The following EPB41L3 variants were observed in gnomAD, a reference collection of about 807,000 sequenced individuals.
EPB41L3 encodes band 4.1-like protein 3.
In EPB41L3, 57 loss-of-function variants were observed where a neutral mutation model predicts 127.1. That is an observed-to-expected ratio of 0.45 (90% CI 0.36 to 0.56). EPB41L3 has a LOEUF of 0.56. Ranked by LOEUF, EPB41L3 falls within the 20% of genes least tolerant of loss-of-function variation. EPB41L3 has a pLI of 0.00. For synonymous variants in EPB41L3, 572 were observed against 549.5 expected (o/e 1.04, Z -0.57); for missense variants, 1,273 against 1,372.2 (o/e 0.93, Z 1.14).
At chr18:5,562,728 C>G (rs961505307) in intron 3 of EPB41L3, among the ~76,000 whole-genome samples, 3 of 152,218 alleles carry the variant, frequency 2.0e-5, no homozygotes, top group African/African-American at 7.2e-5. Flanking sequence ...GTGACAGCCA[C>G]TAGCTCAGAC....
At chr18:5,527,599 G>A (rs1055692520) in intron 1 of EPB41L3, among the ~76,000 whole-genome samples, 3 of 152,148 alleles carry the variant, frequency 2.0e-5, no homozygotes, top group Non-Finnish European at 2.9e-5. Flanking sequence ...GGAGAAACAC[G>A]AAAACATAAA....
chr18:5,472,624 C>G (rs1321785789), intron 3 of EPB41L3, among the ~76,000 whole-genome samples: 1 of 152,130 alleles, frequency 6.6e-6, no homozygotes, highest in Non-Finnish European at 1.5e-5. Flanking sequence ...TCTTGTAATT[C>G]AAGAAAAGCA....
chr18:5,486,788 C>G (rs558142993), intron 2 of EPB41L3, among the ~76,000 whole-genome samples: 17 of 152,078 alleles, frequency 1.1e-4, no homozygotes, highest in Admixed American at 1.0e-3. Flanking sequence ...ATCATCTCAC[C>G]CCAGTTAAAA....
chr18:5,413,707 C>T lies in EPB41L3; in HGVS notation c.2067+2111G>A, dbSNP rs74554387. ...CAGCTCTTAACACTTCAAGAGACAA[C>T]ACTGAACAGATGGCTAGTTACAGAG... On this transcript the variant is annotated intron_variant, in intron 13 of 22. Transcript: ENST00000341928. Among the ~76,000 whole-genome samples, 1,227 of 152,282 alleles carry T rather than the reference C, an allele frequency of 8.1e-3. 16 individuals carry two copies. Among genetic ancestry groups the T allele is most frequent in the African/African-American group, 0.028 (1,158 of 41,554 alleles).
At chr18:5,542,065 C>T (rs2093745582) in intron 1 of EPB41L3, among the ~76,000 whole-genome samples, 1 of 152,178 alleles carries the variant, frequency 6.6e-6, no homozygotes, top group South Asian at 2.1e-4. Flanking sequence ...CACGCTTCTC[C>T]AATTTAGTAT....
At chr18:5,534,061 T>G (rs1719974) in intron 1 of EPB41L3, among the ~76,000 whole-genome samples, 41,218 of 151,680 alleles carry the variant, frequency 0.27, 6,806 homozygotes, top group African/African-American at 0.47. Context: ...TCCTTGGGAG[T>G]CTGAGGCAGG....
chr18:5,568,432 A>AAC (rs1555804543), intron 3 of EPB41L3, among the ~76,000 whole-genome samples: 1 of 150,606 alleles, frequency 6.6e-6, no homozygotes, highest in African/African-American at 2.4e-5. Context: ...GATAGTAAAA[A>AAC]AAAAAAAAAA....
At chr18:5,520,357 T>C (rs2092935366) in intron 1 of EPB41L3, among the ~76,000 whole-genome samples, 2 of 152,108 alleles carry the variant, frequency 1.3e-5, no homozygotes, top group African/African-American at 4.8e-5. Context: ...AGTATAATAA[T>C]ATATTTTCCA....
intron 16 of EPB41L3, chr18:5,400,470 T>C (rs2074320427): frequency 2.2e-6 from 1 of 455,458 alleles, no homozygotes; most frequent in Non-Finnish European, 4.4e-6. Context: ...TGTTGCTAGA[T>C]TAAATGAAAT....
rs147008492 is a variant in EPB41L3, at chr18:5,613,901, A to G, written c.-395+450T>C. ...TTATTTTTAAGTGAATTAAAAATAA[A>G]TATCAAAAACGTTCTCAGTTGTAAT... On this transcript the variant is annotated intron_variant, in intron 2 of 21. Coordinates refer to the EPB41L3 transcript ENST00000545076. Among the ~76,000 whole-genome samples the G allele has an allele frequency of 8.9e-3, 1,362 of 152,352 alleles. 25 individuals are homozygous for G. The highest frequency in any genetic ancestry group is 0.032 in the African/African-American group (1,315 of 41,574).
chr18:5,585,503 C>T (rs1365550981), intron 3 of EPB41L3, among the ~76,000 whole-genome samples: 1 of 152,042 alleles, frequency 6.6e-6, no homozygotes, highest in Non-Finnish European at 1.5e-5. Flanking sequence ...GGGGTTTTGC[C>T]ATGTTGGCCA....
intron 16 of EPB41L3, among the ~76,000 whole-genome samples, chr18:5,403,268 T>C (rs2074804912): frequency 6.6e-6 from 1 of 152,170 alleles, no homozygotes; most frequent in South Asian, 2.1e-4. Flanking sequence ...TTAGATATTA[T>C]TTGCTGCTTT....
At chr18:5,560,428 C>A (rs933965852) in intron 3 of EPB41L3, among the ~76,000 whole-genome samples, 3 of 152,090 alleles carry the variant, frequency 2.0e-5, no homozygotes, top group African/African-American at 7.2e-5. Flanking sequence ...ACTATTTTGG[C>A]AGTACAATCA....
chr18:5,485,664 T>C (rs1366391708), intron 2 of EPB41L3, among the ~76,000 whole-genome samples: 1 of 152,056 alleles, frequency 6.6e-6, no homozygotes, highest in East Asian at 1.9e-4. Flanking sequence ...TTTATCAACA[T>C]ACAAAAATCA....
chr18:5,532,514 T>C (rs1040935507), intron 1 of EPB41L3, among the ~76,000 whole-genome samples: 14 of 152,236 alleles, frequency 9.2e-5, no homozygotes, highest in African/African-American at 3.4e-4. Context: ...CTTTTAACTA[T>C]CACTGGTGCC....
intron 3 of EPB41L3, among the ~76,000 whole-genome samples, chr18:5,600,480 C>T (rs897296613): frequency 6.6e-6 from 1 of 152,140 alleles, no homozygotes; most frequent in East Asian, 1.9e-4. Flanking sequence ...TTTTGCTTTA[C>T]AGTCTCATCA....
chr18:5,417,918 G>C (rs1598680761), intron 12 of EPB41L3, among the ~76,000 whole-genome samples: 1 of 152,276 alleles, frequency 6.6e-6, no homozygotes, highest in Middle Eastern at 3.4e-3. Flanking sequence ...GCAGCCCCAT[G>C]ACCCAGGGGA....
At chr18:5,597,164 T>C (rs1351522698) in intron 3 of EPB41L3, among the ~76,000 whole-genome samples, 1 of 152,166 alleles carries the variant, frequency 6.6e-6, no homozygotes, top group African/African-American at 2.4e-5. Flanking sequence ...CAATCTACCA[T>C]TTGTTCCTAA....
At chr18:5,520,951 G>A (rs907642307) in intron 1 of EPB41L3, among the ~76,000 whole-genome samples, 2 of 152,140 alleles carry the variant, frequency 1.3e-5, no homozygotes, top group Admixed American at 6.5e-5. Flanking sequence ...AAAAACAAAC[G>A]CAGAAAGAGA....
Sources: allele counts gnomAD v4.1 joint callset (sites outside exome capture counted in the v4.1 genomes callset), GRCh38; gene constraint gnomAD v4.1.1; transcripts MANE v1.5; gene names NCBI Gene and HGNC (gene_info 2026-07-23, HGNC 2026-07-21).